The following METTL22 variants were observed in gnomAD, a reference collection of about 807,000 sequenced individuals.
METTL22 encodes the protein methyltransferase 22, Kin17 lysine.
A neutral mutation model predicts 48.4 loss-of-function variants in METTL22; 51 were observed. That is an observed-to-expected ratio of 1.05 (90% CI 0.84 to 1.33). The LOEUF (loss-of-function observed/expected upper bound fraction) is 1.33. Among genes scored for constraint, METTL22 ranks in the 40% most tolerant of loss-of-function variants. The pLI is 0.00. For missense variants in METTL22, 678 were observed against 526.9 expected, an observed-to-expected ratio of 1.29 and a Z score of -2.81; for synonymous variants, 255 against 214.1, an observed-to-expected ratio of 1.19 and a Z score of -1.67.
intron 3 of METTL22, 71 bp from the exon 4 acceptor site, chr16:8,634,968 G>T: frequency 6.2e-7 from 1 of 1,603,898 alleles, no homozygotes; most frequent in Non-Finnish European, 8.5e-7. Context: ...TTGCCACACT[G>T]TCCTGTCTTG....
chr16:8,641,566 C>A, intron 7 of METTL22: 1 of 481,376 alleles, frequency 2.1e-6, no homozygotes, highest in South Asian at 1.5e-5. Context: ...GGAAACCCCC[C>A]GGGTAGGACA....
At chr16:8,637,277 A>T (rs745913160) in intron 5 of METTL22, among the ~76,000 whole-genome samples, 9 of 152,224 alleles carry the variant, frequency 5.9e-5, no homozygotes, top group African/African-American at 1.9e-4. Flanking sequence ...ACCACTGGTC[A>T]GGAGTCTGCA....
In METTL22 at chr16:8,646,566, C is replaced by T. The variant is rs931465928; in HGVS notation, c.*423C>T. The T allele has an allele frequency of 1.9e-5, 9 of 468,438 alleles. No individual in the cohort carries two copies. Among genetic ancestry groups the T allele is most frequent in the African/African-American group, 5.9e-5 (3 of 50,648 alleles). The allele number at this position is 468,438 out of a possible 1,614,324, so 29.0% of individuals were successfully genotyped here. ...TGCCAGTATTGCCATCATATTGCCG[C>T]TCGGCACAAAAGCCTCATTTCCTCC... On this transcript the variant is annotated 3_prime_UTR_variant, in exon 11 of 11. Coordinates refer to ENST00000381920, the MANE Select transcript of METTL22 (RefSeq NM_024109.4).
At chr16:8,652,826 A>G (rs181732696), downstream of METTL22, among the ~76,000 whole-genome samples, 3 of 152,320 alleles carry the variant, frequency 2.0e-5, no homozygotes, top group Admixed American at 2.0e-4. Flanking sequence ...TCCACACACA[A>G]CACACATCTT....
intron 7 of METTL22, chr16:8,641,913 C>T: frequency 4.9e-6 from 3 of 608,664 alleles, no homozygotes; most frequent in Non-Finnish European, 8.8e-6. Flanking sequence ...CTAGAGCAGA[C>T]ACTCAGCAGA....
At chr16:8,624,812 T>C (rs2055988811) in intron 1 of METTL22, among the ~76,000 whole-genome samples, 1 of 152,110 alleles carries the variant, frequency 6.6e-6, no homozygotes, top group African/African-American at 2.4e-5. Context: ...TGAGCCATGA[T>C]TGTACCACTG....
intron 3 of METTL22, among the ~76,000 whole-genome samples, chr16:8,633,650 C>A (rs1446540481): frequency 6.6e-6 from 1 of 152,180 alleles, no homozygotes; most frequent in Non-Finnish European, 1.5e-5. Flanking sequence ...GACTTGGAAC[C>A]CCGCATCTGC....
chr16:8,666,206 T>C, the METTL22 span, among the ~76,000 whole-genome samples: 2 of 152,198 alleles, frequency 1.3e-5, no homozygotes, highest in African/African-American at 2.4e-5. Context: ...TCTTGGCCAA[T>C]GACGGGGAGT....
At chr16:8,633,643 T>C (rs2056333384) in intron 3 of METTL22, among the ~76,000 whole-genome samples, 1 of 152,146 alleles carries the variant, frequency 6.6e-6, no homozygotes, top group Admixed American at 6.5e-5. Context: ...ATGACCTGAC[T>C]TGGAACCCCG....
chr16:8,660,386 C>T, the METTL22 span, among the ~76,000 whole-genome samples: 5 of 152,030 alleles, frequency 3.3e-5, no homozygotes, highest in African/African-American at 9.7e-5. Context: ...ACCATGTTGG[C>T]CAGGCTGGTC....
intron 1 of METTL22, among the ~76,000 whole-genome samples, chr16:8,622,390 T>C (rs1384500195): frequency 3.9e-5 from 6 of 152,196 alleles, no homozygotes; most frequent in Non-Finnish European, 7.3e-5. Context: ...CGTCTCAGTC[T>C]AGCCCCCACA....
chr16:8,627,664 T>G (rs1352194975), intron 2 of METTL22, among the ~76,000 whole-genome samples: 1 of 152,136 alleles, frequency 6.6e-6, no homozygotes, highest in Non-Finnish European at 1.5e-5. Flanking sequence ...GCCCAGTCAT[T>G]AACGTGTTTT....
intron 6 of METTL22, among the ~76,000 whole-genome samples, chr16:8,640,074 T>C (rs2056549470): frequency 6.6e-6 from 1 of 152,230 alleles, no homozygotes; most frequent in South Asian, 2.1e-4. Context: ...CGTTGCATGA[T>C]TGCATTTTAC....
In METTL22 at chr16:8,629,082, A is replaced by C; in HGVS notation, c.486A>C (p.Gln162His). 1 of 1,613,608 alleles carries C rather than the reference A, an allele frequency of 6.2e-7. No individual in the cohort carries two copies. The highest frequency in any genetic ancestry group is 8.5e-7 in the Non-Finnish European group (1 of 1,179,992). ...EEDDVLGEEA[Q>H]GSPHDIIRIE... Reference sequence around the variant, plus strand: ...ACGACGTCCTGGGAGAGGAAGCACAAGGCAGCCCGCACGATATCATCAGAA... The same window carrying C: ...ACGACGTCCTGGGAGAGGAAGCACACGGCAGCCCGCACGATATCATCAGAA... Residue 162 changes from glutamine (Q) to histidine (H), a missense_variant, in exon 3 of 11, where the codon CAA becomes CAC. Transcript: ENST00000381920.
At chr16:8,624,422 G>A (rs1042373192) in intron 1 of METTL22, among the ~76,000 whole-genome samples, 1 of 150,246 alleles carries the variant, frequency 6.7e-6, no homozygotes, top group South Asian at 2.1e-4. Context: ...ACCCAGCCTG[G>A]AGTGCAGAGT....
the METTL22 span, chr16:8,667,030 AGTT>A: frequency 1.3e-5 from 2 of 151,858 alleles, no homozygotes; most frequent in Non-Finnish European, 1.5e-5. Context: ...TCCTGACCTC[AGTT>A]GATCTACCCA....
chr16:8,644,351 A>G, intron 9 of METTL22: 1 of 478,710 alleles, frequency 2.1e-6, no homozygotes, highest in Non-Finnish European at 3.8e-6. Context: ...CCACATCTGT[A>G]AAGTGCTATC....
chr16:8,645,814 A>C, intron 10 of METTL22: 5 of 646,684 alleles, frequency 7.7e-6, no homozygotes, highest in Non-Finnish European at 1.0e-5. Context: ...CCCAAAATGG[A>C]GAGATACGGC....
chr16:8,638,607 A>T (rs1352915831), intron 5 of METTL22, among the ~76,000 whole-genome samples: 1 of 152,118 alleles, frequency 6.6e-6, no homozygotes, highest in Non-Finnish European at 1.5e-5. Context: ...AATCCTTCTG[A>T]CCGGAAAACT....
Sources: gnomAD v4.1 joint callset for allele counts (sites outside exome capture counted in the v4.1 genomes callset) on GRCh38, gnomAD v4.1.1 for gene constraint, MANE v1.5 for transcripts, NCBI Gene and HGNC (gene_info 2026-07-23, HGNC 2026-07-21) for gene names.